MINK1: variants seen among roughly 807,000 people sequenced by gnomAD.
MINK1 encodes the protein misshapen like kinase 1, also known as misshapen-like kinase 1.
In MINK1, 46 loss-of-function variants were observed where a neutral mutation model predicts 178.4. The observed-to-expected ratio is 0.26, with a 90% CI of 0.20 to 0.33. MINK1 has a LOEUF of 0.33. Ranked by LOEUF, MINK1 falls within the 10% of genes least tolerant of loss-of-function variation. MINK1 has a pLI of 1.00. For missense variants in MINK1, 1,366 were observed against 1,814.9 expected (o/e 0.75, Z 4.49); for synonymous variants, 797 against 709.7 (o/e 1.12, Z -1.96).
chr17:4,893,973 C>T lies in MINK1; in HGVS notation c.2565-15C>T. ...CGGGCAGGACCTGGAGGGGCCCCACCTTCCTCTCTCACAGCAGCGATGGGG... is the reference window on the plus strand; with the variant it reads ...CGGGCAGGACCTGGAGGGGCCCCACTTTCCTCTCTCACAGCAGCGATGGGG... On this transcript the variant is annotated splice_polypyrimidine_tract_variant and intron_variant, in intron 21 of 31. Transcript: ENST00000355280. 6.4e-7 allele frequency: 1 copy of T among 1,552,650 alleles called. No individual in the cohort carries two copies. Among genetic ancestry groups the T allele is most frequent in the Non-Finnish European group, 8.7e-7 (1 of 1,151,058 alleles).
At chr17:4,889,305 A>C (rs958029308) in intron 12 of MINK1, among the ~76,000 whole-genome samples, 38 of 152,102 alleles carry the variant, frequency 2.5e-4, no homozygotes, top group African/African-American at 7.7e-4. Context: ...CTTCAGGCAA[A>C]GGTCGATTTT....
At chr17:4,839,168 C>G (rs145871618) in intron 1 of MINK1, among the ~76,000 whole-genome samples, 1 of 152,172 alleles carries the variant, frequency 6.6e-6, no homozygotes, top group Non-Finnish European at 1.5e-5. Context: ...TGGTCTTGAT[C>G]TCCTGACCTT....
rs1299733652 is a variant in MINK1, at chr17:4,893,084, C to T, written c.2400+17C>T. On this transcript the variant is annotated intron_variant, in intron 20 of 31. Coordinates refer to ENST00000355280, the MANE Select transcript of MINK1 (RefSeq NM_153827.5). ...CGGCCCGCAGTGAGTCACCTGGTGG[C>T]AGGCATGGCCTGCCTCATCCTGGTT... The T allele has an allele frequency of 1.3e-6, 2 of 1,552,952 alleles. No individual in the cohort carries two copies. Among genetic ancestry groups the T allele is most frequent in the Non-Finnish European group, 1.7e-6 (2 of 1,149,660 alleles).
intron 1 of MINK1, chr17:4,859,172 G>A (rs1023603781): frequency 9.1e-6 from 9 of 985,338 alleles, no homozygotes; most frequent in Non-Finnish European, 9.6e-6. Context: ...CCACTGGGCT[G>A]TTTAGTGCTT....
chr17:4,886,666 C>G lies in MINK1; in HGVS notation c.949+40C>G, dbSNP rs78767298. 6.6e-7 allele frequency: 1 copy of G among 1,512,310 alleles called. No individual in the cohort carries two copies. The highest frequency in any genetic ancestry group is 2.3e-5 in the Admixed American group (1 of 44,244). 93.7% of individuals were successfully genotyped at this position (1,512,310 alleles called of 1,614,324 possible). A position where few individuals can be genotyped will look rare whatever the true frequency, so the allele number is the denominator to read the frequency against. On this transcript the variant is annotated intron_variant, in intron 10 of 31. Transcript: ENST00000355280. The surrounding 1 kb of genome is among the most constrained non-coding windows in gnomAD (Gnocchi z 6.1). The stretch of plus-strand genomic sequence containing the variant: ...TGGAGGGGGCAGGTACTAGGGGACA[C>G]TCCAGCCTGGCTCCTCTCTGCCAGC...
intron 12 of MINK1, 49 bp from the exon 13 acceptor site, chr17:4,889,598 T>A (rs1257748909): frequency 2.7e-6 from 4 of 1,475,304 alleles, no homozygotes; most frequent in Non-Finnish European, 3.7e-6. Context: ...GGGGCAGTGC[T>A]GACGCGATGT....
At position 4,894,474 on chromosome 17, in the gene MINK1, G is replaced by C; in HGVS notation, c.2809-51G>C. The C allele has an allele frequency of 6.5e-7, 1 of 1,527,786 alleles. No individual in the cohort carries two copies. The highest frequency in any genetic ancestry group is 8.9e-7 in the Non-Finnish European group (1 of 1,123,690). The allele number at this position is 1,527,786 out of a possible 1,614,324, so 94.6% of individuals were successfully genotyped here. A position where few individuals can be genotyped will look rare whatever the true frequency, so the allele number is the denominator to read the frequency against. The stretch of plus-strand genomic sequence containing the variant: ...CCTGGGGAACAGCAGCAGGGGCAGG[G>C]CCGCAGCTGGACTTGCACTTGTTTG... On this transcript the variant is annotated intron_variant, in intron 23 of 31. Coordinates refer to ENST00000355280, the MANE Select transcript of MINK1 (RefSeq NM_153827.5). This position sits in a 1 kb window ranked among gnomAD's most constrained non-coding sequence, Gnocchi z 4.1.
At chr17:4,845,931 C>T (rs549194787) in intron 1 of MINK1, among the ~76,000 whole-genome samples, 33 of 152,336 alleles carry the variant, frequency 2.2e-4, no homozygotes, top group Admixed American at 2.6e-4. Context: ...CGTGAGCCAC[C>T]GCATGTGGCT....
chr17:4,893,225 C>T (rs1417421613), intron 20 of MINK1, 158 bp downstream of exon 20: 6 of 1,523,398 alleles, frequency 3.9e-6, no homozygotes, highest in South Asian at 1.1e-5. Flanking sequence ...TTCCTAACCT[C>T]TCTCCTAACC....
intron 1 of MINK1, chr17:4,868,810 A>G: frequency 3.0e-6 from 1 of 330,354 alleles, no homozygotes; most frequent in Non-Finnish European, 6.3e-6. Context: ...CAGTGGCATG[A>G]TCATGGCTTA....
chr17:4,839,192 C>T (rs1909797910), intron 1 of MINK1, among the ~76,000 whole-genome samples: 1 of 152,198 alleles, frequency 6.6e-6, no homozygotes, highest in Non-Finnish European at 1.5e-5. Context: ...ATCTGCCCGC[C>T]TCAGCCTCCC....
chr17:4,835,885 C>T (rs769178950), intron 1 of MINK1, among the ~76,000 whole-genome samples: 10 of 152,154 alleles, frequency 6.6e-5, no homozygotes, highest in Non-Finnish European at 1.2e-4. Flanking sequence ...CTCAGGAGAC[C>T]GGGTGACCTG....
intron 1 of MINK1, among the ~76,000 whole-genome samples, chr17:4,848,015 G>T (rs1367657715): frequency 6.6e-6 from 1 of 152,028 alleles, no homozygotes; most frequent in African/African-American, 2.4e-5. Context: ...CCTCATCTCT[G>T]TTTAAAAGAG....
intron 1 of MINK1, chr17:4,847,249 C>A: frequency 2.2e-6 from 1 of 458,230 alleles, no homozygotes; most frequent in Non-Finnish European, 4.4e-6. Flanking sequence ...TTCATTCATT[C>A]ATTCATTCAT....
intron 1 of MINK1, among the ~76,000 whole-genome samples, chr17:4,842,337 C>T (rs574505737): frequency 6.6e-6 from 1 of 152,214 alleles, no homozygotes; most frequent in East Asian, 1.9e-4. Context: ...TTTTTCCACC[C>T]GTATTGCCAC....
chr17:4,894,744 C>A lies in MINK1; in HGVS notation c.2917+111C>A. The A allele has an allele frequency of 1.2e-6, 1 of 846,728 alleles. No individual in the cohort carries two copies. The allele number at this position is 846,728 out of a possible 1,614,324, so 52.5% of individuals were successfully genotyped here. A position where few individuals can be genotyped will look rare whatever the true frequency, so the allele number is the denominator to read the frequency against. On this transcript the variant is annotated intron_variant, in intron 24 of 31. Coordinates refer to ENST00000355280, the MANE Select transcript of MINK1 (RefSeq NM_153827.5). The surrounding 1 kb of genome is among the most constrained non-coding windows in gnomAD (Gnocchi z 4.1). ...ACAAAGCATAGCCACAGGACCTCTC[C>A]CTTGGGCCCTAGCACCTGCCTGGGC...
At chr17:4,884,077 G>A (rs36074346) in intron 4 of MINK1, among the ~76,000 whole-genome samples, 90,917 of 144,900 alleles carry the variant, frequency 0.63, 30,102 homozygotes, top group Non-Finnish European at 0.74. Flanking sequence ...ATGTTGGCCA[G>A]GCTGGTCTTG....
chr17:4,850,946 TTGC>T (rs1414333792), intron 1 of MINK1: 5 of 455,376 alleles, frequency 1.1e-5, no homozygotes, highest in Non-Finnish European at 1.8e-5. Flanking sequence ...GTGCCCTTCC[TTGC>T]TCTCTCTGGT....
At chr17:4,864,914 C>A (rs1023838216) in intron 1 of MINK1, among the ~76,000 whole-genome samples, 1 of 152,164 alleles carries the variant, frequency 6.6e-6, no homozygotes, top group Non-Finnish European at 1.5e-5. Flanking sequence ...TCAAAAGAAC[C>A]TTTTCCTGGC....
Sources: gnomAD v4.1 joint callset for allele counts (sites outside exome capture counted in the v4.1 genomes callset) on GRCh38, gnomAD v4.1.1 for gene constraint, Gnocchi (gnomAD v3.1) non-coding constraint, MANE v1.5 for transcripts, NCBI Gene and HGNC (gene_info 2026-07-23, HGNC 2026-07-21) for gene names.